Variants in IGF1R observed in about 807,000 individuals in gnomAD.
IGF1R encodes insulin-like growth factor 1 receptor.
IGF1R carries 44 observed loss-of-function variants against 144.6 expected under a neutral mutation model. That is an observed-to-expected ratio of 0.30 (90% CI 0.24 to 0.39). The LOEUF (loss-of-function observed/expected upper bound fraction) is 0.39, where lower values mean the gene tolerates loss of function less well. Ranked by LOEUF, IGF1R falls within the 10% of genes least tolerant of loss-of-function variation. The probability of loss-of-function intolerance (pLI) is 1.00; values close to 1 mark genes in which losing one functional copy is unlikely to be tolerated. For synonymous variants in IGF1R, 795 were observed against 722.8 expected, an observed-to-expected ratio of 1.10 and a Z score of -1.60; for missense variants, 1,355 against 1,833.7, an observed-to-expected ratio of 0.74 and a Z score of 4.77.
intron 1 of IGF1R, among the ~76,000 whole-genome samples, chr15:98,671,904 G>C (rs2052902520): frequency 6.6e-6 from 1 of 152,220 alleles, no homozygotes; most frequent in Admixed American, 6.5e-5. Context: ...GAATTCTTGA[G>C]ATCTTTTTGT....
intron 9 of IGF1R, 109 bp downstream of exon 9, chr15:98,916,240 T>C (rs1304073507): frequency 7.6e-6 from 8 of 1,051,520 alleles, no homozygotes; most frequent in Non-Finnish European, 9.9e-6. Flanking sequence ...TAGTTCTCCA[T>C]TGGAAACCAG....
chr15:98,656,997 G>T (rs1322241134), intron 1 of IGF1R, among the ~76,000 whole-genome samples: 6 of 152,174 alleles, frequency 3.9e-5, no homozygotes, highest in African/African-American at 1.4e-4. Flanking sequence ...TTTGATAGTT[G>T]TTAGAGCATA....
intron 2 of IGF1R, among the ~76,000 whole-genome samples, chr15:98,846,236 C>G (rs2011322761): frequency 6.6e-6 from 1 of 152,182 alleles, no homozygotes; most frequent in Non-Finnish European, 1.5e-5. Flanking sequence ...CATAAGCTGA[C>G]AATGCATTTG....
intron 2 of IGF1R, among the ~76,000 whole-genome samples, chr15:98,765,437 T>C (rs12898261): frequency 0.6 from 90,898 of 150,736 alleles, 29,072 homozygotes; most frequent in Non-Finnish European, 0.71. Context: ...GCCTCCCAAG[T>C]AGCTGGGGCC....
rs368878853 is a variant in IGF1R at position 98,802,800 on chromosome 15, C to A, written c.641-88525C>A. ...ATTAGCGGTCTTAAGTGAGTGAGAC[C>A]CCTAAGAATTCTTAATTCCTTTATC... On this transcript the variant is annotated intron_variant, in intron 2 of 20. Coordinates refer to ENST00000650285, the MANE Select transcript of IGF1R (RefSeq NM_000875.5). 2.3e-3 allele frequency among the ~76,000 whole-genome samples: 348 copies of A among 152,224 alleles called. 1 individual carries two copies. The highest frequency in any genetic ancestry group is 8.0e-3 in the African/African-American group (334 of 41,554).
rs1299403859 is a variant in IGF1R, at chr15:98,740,927, A to T, written c.640+32820A>T. ...TTTTCTAGGGAAACTCCACTTTGTC[A>T]AAAGTGTAGTATTCCTCAAGGATAG... On this transcript the variant is annotated intron_variant, in intron 2 of 20. Transcript: ENST00000650285. 2.0e-5 allele frequency among the ~76,000 whole-genome samples: 3 copies of T among 152,344 alleles called. No homozygotes were observed. The East Asian group carries it at 5.8e-4, about 29-fold the overall frequency.
Position 98,963,505 on chromosome 15 carries a change from G to A in IGF1R, c.*6063G>A, listed in dbSNP as rs2017307917. ...CCTCATTGGCCATGGAAACAGCCGA[G>A]GTGTTGGAGCCCAGCAGTGCATGGC... On this transcript the variant is annotated 3_prime_UTR_variant, in exon 21 of 21. Coordinates refer to ENST00000650285, the MANE Select transcript of IGF1R (RefSeq NM_000875.5). 8.6e-6 allele frequency: 2 copies of A among 233,192 alleles called. No individual in the cohort carries two copies. The highest frequency in any genetic ancestry group is 2.2e-5 in the African/African-American group (1 of 45,354). The allele number at this position is 233,192 out of a possible 1,614,324, so 14.4% of individuals were successfully genotyped here.
chr15:98,791,249 A>G (rs991189757), intron 2 of IGF1R, among the ~76,000 whole-genome samples: 1 of 152,220 alleles, frequency 6.6e-6, no homozygotes, highest in African/African-American at 2.4e-5. Context: ...CTGTTGCATC[A>G]TCTTTCAAAT....
chr15:98,909,259 T>TC, intron 6 of IGF1R, among the ~76,000 whole-genome samples: 1 of 123,508 alleles, frequency 8.1e-6, no homozygotes, highest in Non-Finnish European at 1.6e-5. Flanking sequence ...TTCTTTTTTT[T>TC]TCTTTTTTTT....
rs1212748366 is a variant in IGF1R at position 98,963,020 on chromosome 15, A to G, written c.*5578A>G. ...AACTAGTCACTCATTAGCGTTTTCAATAGGGCTCTTAAGTCCAGTAGATTA... is the reference window on the plus strand; with the variant it reads ...AACTAGTCACTCATTAGCGTTTTCAGTAGGGCTCTTAAGTCCAGTAGATTA... On this transcript the variant is annotated 3_prime_UTR_variant, in exon 21 of 21. Transcript: ENST00000650285. 2 of 233,602 alleles carry G rather than the reference A, an allele frequency of 8.6e-6. No individual in the cohort carries two copies. The highest frequency in any genetic ancestry group is 8.5e-6 in the Non-Finnish European group (1 of 118,042). 14.5% of individuals were successfully genotyped at this position (233,602 alleles called of 1,614,324 possible). A position where few individuals can be genotyped will look rare whatever the true frequency, so the allele number is the denominator to read the frequency against.
chr15:98,752,580 C>T (rs981009890), intron 2 of IGF1R, among the ~76,000 whole-genome samples: 8 of 151,786 alleles, frequency 5.3e-5, no homozygotes, highest in East Asian at 2.0e-4. Context: ...CTACTCTGGA[C>T]GCTGAGGCAG....
At position 98,648,647 on chromosome 15, in the gene IGF1R, G is replaced by C. The variant is rs919628948; in HGVS notation, c.-935G>C. Reference sequence around the variant, plus strand: ...GGAAAAAACCCGAGGAGGAGCGAGCGCACCAGGCGAACTCGAGAGAGGCGG... The same window carrying C: ...GGAAAAAACCCGAGGAGGAGCGAGCCCACCAGGCGAACTCGAGAGAGGCGG... On this transcript the variant is annotated 5_prime_UTR_variant, in exon 1 of 21. Coordinates refer to ENST00000650285, the MANE Select transcript of IGF1R (RefSeq NM_000875.5). Among the ~76,000 whole-genome samples, 5 of 147,002 alleles carry C rather than the reference G, an allele frequency of 3.4e-5. No homozygotes were observed. The highest frequency in any genetic ancestry group is 6.7e-5 in the Admixed American group (1 of 14,832).
At chr15:98,887,427 T>TGTTGA in intron 2 of IGF1R, among the ~76,000 whole-genome samples, 2 of 125,648 alleles carry the variant, frequency 1.6e-5, no homozygotes, top group Middle Eastern at 7.8e-3. Flanking sequence ...TTTTCAACGT[T>TGTTGA]CTTATTACTA....
chr15:98,953,578 G>C (rs1459699698), intron 20 of IGF1R, among the ~76,000 whole-genome samples: 1 of 152,152 alleles, frequency 6.6e-6, no homozygotes, highest in East Asian at 1.9e-4. Flanking sequence ...GCTGCTGCGG[G>C]ATAAGGGCCA....
At chr15:98,667,621 C>T (rs1455710569) in intron 1 of IGF1R, among the ~76,000 whole-genome samples, 1 of 151,986 alleles carries the variant, frequency 6.6e-6, no homozygotes, top group Non-Finnish European at 1.5e-5. Flanking sequence ...AACCAGGCGC[C>T]AGGGCTCAGG....
At chr15:98,847,739 C>T (rs1408334528) in intron 2 of IGF1R, among the ~76,000 whole-genome samples, 1 of 152,190 alleles carries the variant, frequency 6.6e-6, no homozygotes, top group Non-Finnish European at 1.5e-5. Flanking sequence ...TTATTCCCCC[C>T]TTTACTTTCC....
At position 98,963,534 on chromosome 15, in the gene IGF1R, G is replaced by A. The variant is rs74534003; in HGVS notation, c.*6092G>A. 2,106 of 233,166 alleles carry A rather than the reference G, an allele frequency of 9.0e-3. 49 individuals carry two copies. Among genetic ancestry groups the A allele is most frequent in the African/African-American group, 0.043 (1,942 of 45,424 alleles). The allele number at this position is 233,166 out of a possible 1,614,324, so 14.4% of individuals were successfully genotyped here. A position where few individuals can be genotyped will look rare whatever the true frequency, so the allele number is the denominator to read the frequency against. On this transcript the variant is annotated 3_prime_UTR_variant, in exon 21 of 21. Coordinates refer to ENST00000650285, the MANE Select transcript of IGF1R (RefSeq NM_000875.5). ...TTGGAGCCCAGCAGTGCATGGCACC[G>A]TTCGGCATCTGGCTTGATTGGTCTG...
chr15:98,872,348 T>A (rs1165858145), intron 2 of IGF1R, among the ~76,000 whole-genome samples: 1 of 152,230 alleles, frequency 6.6e-6, no homozygotes, highest in African/African-American at 2.4e-5. Flanking sequence ...GAGACATGGC[T>A]TGGGGTCTCC....
At chr15:98,864,812 T>A (rs1253678665) in intron 2 of IGF1R, among the ~76,000 whole-genome samples, 6 of 152,250 alleles carry the variant, frequency 3.9e-5, no homozygotes, top group Non-Finnish European at 8.8e-5. Flanking sequence ...AGTGTAACAT[T>A]TTATCAAATC....
Sources: gnomAD v4.1 joint callset for allele counts (sites outside exome capture counted in the v4.1 genomes callset) on GRCh38, gnomAD v4.1.1 for gene constraint, MANE v1.5 for transcripts, NCBI Gene and HGNC (gene_info 2026-07-23, HGNC 2026-07-21) for gene names.